The following ABCE1 variants were observed in gnomAD, a reference collection of about 807,000 sequenced individuals.
The protein encoded by ABCE1 is ATP binding cassette subfamily E member 1, also known as ATP-binding cassette sub-family E member 1.
In ABCE1, 22 loss-of-function variants were observed where a neutral mutation model predicts 83.4. The ratio of observed to expected loss-of-function variants is 0.26; its 90% CI spans 0.19 to 0.38. The LOEUF (loss-of-function observed/expected upper bound fraction) is 0.38, where lower values mean the gene tolerates loss of function less well. Ranked by LOEUF, ABCE1 falls within the 10% of genes least tolerant of loss-of-function variation. The pLI, the probability that ABCE1 is intolerant of heterozygous loss-of-function variation, is 1.00. For synonymous variants in ABCE1, 204 were observed against 233.7 expected (o/e 0.87, Z 1.16); for missense variants, 330 against 721.9 (o/e 0.46, Z 6.22).
intron 10 of ABCE1, among the ~76,000 whole-genome samples, chr4:145,118,478 A>G (rs906413084): frequency 7.2e-5 from 11 of 151,872 alleles, no homozygotes; most frequent in African/African-American, 2.2e-4. Context: ...GCAGTTACCT[A>G]GTTTTCTTGC....
intron 3 of ABCE1, among the ~76,000 whole-genome samples, chr4:145,106,938 A>G (rs1183734292): frequency 5.9e-5 from 9 of 152,158 alleles, no homozygotes; most frequent in African/African-American, 1.9e-4. Flanking sequence ...ATCTCTAAAC[A>G]CGGAAACTTA....
chr4:145,101,521 A>G (rs1471496853), intron 1 of ABCE1, among the ~76,000 whole-genome samples: 4 of 152,190 alleles, frequency 2.6e-5, no homozygotes, highest in African/African-American at 7.2e-5. Flanking sequence ...AAGGCTTCCT[A>G]TGGTTCCTGT....
Position 145,128,976 on chromosome 4 carries a change from G to A in ABCE1, c.*1403G>A, listed in dbSNP as rs1390978860. 5.3e-5 allele frequency: 8 copies of A among 152,036 alleles called. No individual in the cohort carries two copies. Among genetic ancestry groups the A allele is most frequent in the African/African-American group, 7.2e-5 (3 of 41,398 alleles). 9.4% of individuals were successfully genotyped at this position (152,036 alleles called of 1,614,324 possible). A position where few individuals can be genotyped will look rare whatever the true frequency, so the allele number is the denominator to read the frequency against. On this transcript the variant is annotated 3_prime_UTR_variant, in exon 18 of 18. Coordinates refer to ENST00000296577, the MANE Select transcript of ABCE1 (RefSeq NM_002940.3). ...TATTACCCTCCCAAAGGTTACCAGC[G>A]TTTGAATTTAATAATGTATATTCTT...
Position 145,108,993 on chromosome 4 carries a change from G to A in ABCE1, c.288-139G>A, listed in dbSNP as rs1267150661. 4 of 606,096 alleles carry A rather than the reference G, an allele frequency of 6.6e-6. No homozygotes were observed. The East Asian group carries it at 8.8e-5, about 13-fold the overall frequency. The allele number at this position is 606,096 out of a possible 1,614,324, so 37.5% of individuals were successfully genotyped here. A position where few individuals can be genotyped will look rare whatever the true frequency, so the allele number is the denominator to read the frequency against. On this transcript the variant is annotated intron_variant, in intron 4 of 17. Transcript: ENST00000296577. Reference sequence around the variant, plus strand: ...TTGGCTGTTTTTTTCCTAATAGCCAGTAATATCTGGCATATGTTTCTTAGC... The same window carrying A: ...TTGGCTGTTTTTTTCCTAATAGCCAATAATATCTGGCATATGTTTCTTAGC...
At chr4:145,121,017 G>T in intron 11 of ABCE1, 157 bp from the exon 12 acceptor site, 1 of 660,972 alleles carries the variant, frequency 1.5e-6, no homozygotes. Context: ...GGTGAGCCAT[G>T]AAAGACTTAA....
At chr4:145,105,395 C>A (rs543581430) in intron 2 of ABCE1, among the ~76,000 whole-genome samples, 26 of 151,960 alleles carry the variant, frequency 1.7e-4, no homozygotes, top group Non-Finnish European at 3.7e-4. Context: ...CTCCCTGCTG[C>A]CAAACAAGGA....
intron 13 of ABCE1, 58 bp from the exon 14 acceptor site, chr4:145,122,963 A>G: frequency 8.3e-7 from 1 of 1,210,052 alleles, no homozygotes; most frequent in Admixed American, 2.3e-5. Flanking sequence ...AGATTCATAA[A>G]TAGAAGAGTT....
chr4:145,110,259 G>A lies in ABCE1; in HGVS notation c.543+19G>A. 2 of 1,597,736 alleles carry A rather than the reference G, an allele frequency of 1.3e-6. No homozygotes were observed. Among genetic ancestry groups the A allele is most frequent in the Admixed American group, 1.8e-5 (1 of 55,878 alleles). Reference sequence around the variant, plus strand: ...TGCAAAGGTCGGTTTTTGATAGAGGGAACTTAACGGATATTAGTAGAAGTA... The same window carrying A: ...TGCAAAGGTCGGTTTTTGATAGAGGAAACTTAACGGATATTAGTAGAAGTA... On this transcript the variant is annotated intron_variant, in intron 6 of 17. Coordinates refer to ENST00000296577, the MANE Select transcript of ABCE1 (RefSeq NM_002940.3).
chr4:145,111,309 G>A (rs1366308131), intron 8 of ABCE1, among the ~76,000 whole-genome samples: 2 of 152,086 alleles, frequency 1.3e-5, no homozygotes, highest in Non-Finnish European at 2.9e-5. Flanking sequence ...TTTATATAAA[G>A]TCAGTTATTC....
chr4:145,105,526 C>G lies in ABCE1; in HGVS notation c.104-79C>G, dbSNP rs1259578947. 1.1e-5 allele frequency: 10 copies of G among 937,916 alleles called. 1 individual carries two copies. In the South Asian group the frequency reaches 1.7e-4, roughly 16 times the overall value. The allele number at this position is 937,916 out of a possible 1,614,324, so 58.1% of individuals were successfully genotyped here. A position where few individuals can be genotyped will look rare whatever the true frequency, so the allele number is the denominator to read the frequency against. On this transcript the variant is annotated intron_variant, in intron 2 of 17. Transcript: ENST00000296577. ...TCTGCTTCTGTATGGAAATTTAGAA[C>G]CAGCATTGCCTAAATAACAGTGTTC...
intron 17 of ABCE1, among the ~76,000 whole-genome samples, chr4:145,126,574 C>T (rs904965808): frequency 2.6e-5 from 4 of 152,128 alleles, no homozygotes; most frequent in Admixed American, 2.0e-4. Flanking sequence ...GGATTACAGG[C>T]GTGAGCCACC....
chr4:145,119,557 AT>A (rs1749686574), intron 10 of ABCE1, among the ~76,000 whole-genome samples: 1 of 151,914 alleles, frequency 6.6e-6, no homozygotes, highest in African/African-American at 2.4e-5. Flanking sequence ...ATATTAAAAA[AT>A]TTATCCCCCA....
At chr4:145,122,779 C>A in intron 13 of ABCE1, 1 of 328,686 alleles carries the variant, frequency 3.0e-6, no homozygotes, top group Non-Finnish European at 5.6e-6. Flanking sequence ...CCATTGCACA[C>A]CTGGGCAATG....
chr4:145,098,572 G>A (rs1363554132), intron 1 of ABCE1, 153 bp downstream of exon 1: 1 of 152,292 alleles, frequency 6.6e-6, no homozygotes, highest in African/African-American at 2.4e-5. Context: ...AGCTGGAACT[G>A]ATGGAGCGCG....
chr4:145,098,403 G>C lies in ABCE1; in HGVS notation c.-44G>C, dbSNP rs1200093662. 2.0e-5 allele frequency: 3 copies of C among 152,374 alleles called. No individual in the cohort carries two copies. Among genetic ancestry groups the C allele is most frequent in the Admixed American group, 1.3e-4 (2 of 15,286 alleles). The allele number at this position is 152,374 out of a possible 1,614,324, so 9.4% of individuals were successfully genotyped here. On this transcript the variant is annotated 5_prime_UTR_variant, in exon 1 of 18. Transcript: ENST00000296577. Reference sequence around the variant, plus strand: ...TGGCCTCTGTGCTCCCCTCCGCAAGGGGATCGTTTTCTCCAGGTACGTGAA... The same window carrying C: ...TGGCCTCTGTGCTCCCCTCCGCAAGCGGATCGTTTTCTCCAGGTACGTGAA...
Position 145,123,335 on chromosome 4 carries a change from A to G in ABCE1, c.1495A>G (p.Met499Val). The change falls in exon 15 of 18, where the codon ATG becomes GTG. Residue 499 changes from methionine (M) to valine (V), a missense_variant. Coordinates refer to ENST00000296577, the MANE Select transcript of ABCE1 (RefSeq NM_002940.3). ...SAYLDSEQRLMAARVVKRFIL... is the reference protein window; with the variant it reads ...SAYLDSEQRLVAARVVKRFIL... ...ATATTTGGATTCTGAGCAAAGACTG[A>G]TGGCAGCTCGAGTTGTCAAACGGTA... is the stretch of plus-strand genomic sequence containing the variant. 3 of 1,608,330 alleles carry G rather than the reference A, an allele frequency of 1.9e-6. No homozygotes were observed. Among genetic ancestry groups the G allele is most frequent in the Non-Finnish European group, 2.5e-6 (3 of 1,177,620 alleles).
chr4:145,114,376 AT>A (rs1383438336), intron 9 of ABCE1, among the ~76,000 whole-genome samples: 1 of 152,128 alleles, frequency 6.6e-6, no homozygotes, highest in Admixed American at 6.6e-5. Flanking sequence ...TATAAAAAGT[AT>A]TTTTATAGTC....
chr4:145,112,921 T>C lies in ABCE1; in HGVS notation c.800+593T>C, dbSNP rs148503749. 1.1e-4 allele frequency among the ~76,000 whole-genome samples: 16 copies of C among 152,304 alleles called. 1 individual carries two copies. The East Asian group carries it at 2.7e-3, about 26-fold the overall frequency. ...AGTTGTTTGTTCTAGGTTACAAATT[T>C]ACTGTATGACAAAGCTGTGACCAGA... On this transcript the variant is annotated intron_variant, in intron 9 of 17. Transcript: ENST00000296577.
chr4:145,120,469 G>A (rs547112998), intron 11 of ABCE1, among the ~76,000 whole-genome samples: 57 of 152,142 alleles, frequency 3.7e-4, no homozygotes, highest in African/African-American at 1.2e-3. Flanking sequence ...AGATGGAAAG[G>A]ATAAATGGTG....
Sources: gnomAD v4.1 joint callset for allele counts (sites outside exome capture counted in the v4.1 genomes callset) on GRCh38, gnomAD v4.1.1 for gene constraint, MANE v1.5 for transcripts, NCBI Gene and HGNC (gene_info 2026-07-23, HGNC 2026-07-21) for gene names.